The following POU3F3 variants were observed in gnomAD, a reference collection of about 807,000 sequenced individuals.
POU3F3 encodes the protein POU class 3 homeobox 3, also known as POU domain, class 3, transcription factor 3.
Under a neutral mutation model 8.6 loss-of-function variants are expected in POU3F3, and 1 was observed. That is an observed-to-expected ratio of 0.12 (90% CI 0.04 to 0.55). The LOEUF is 0.55. Ranked by LOEUF, POU3F3 falls within the 20% of genes least tolerant of loss-of-function variation. The probability of loss-of-function intolerance (pLI) is 0.91; values close to 1 mark genes in which losing one functional copy is unlikely to be tolerated. For missense variants in POU3F3, 577 were observed against 690.7 expected (o/e 0.84, Z 1.84); for synonymous variants, 418 against 327.4 (o/e 1.28, Z -2.99).
At chr2:104,927,023 CA>C in the POU3F3 span, among the ~76,000 whole-genome samples, 8 of 152,066 alleles carry the variant, frequency 5.3e-5, no homozygotes, top group African/African-American at 1.9e-4. Flanking sequence ...TGGATGGGCG[CA>C]ACAAACCACC....
the POU3F3 span, among the ~76,000 whole-genome samples, chr2:104,886,936 AT>A: frequency 6.6e-6 from 1 of 152,036 alleles, no homozygotes; most frequent in Non-Finnish European, 1.5e-5. Context: ...AATTTAAAAA[AT>A]TTTAAAAAAA....
chr2:104,898,707 T>A, the POU3F3 span, among the ~76,000 whole-genome samples: 2 of 152,204 alleles, frequency 1.3e-5, no homozygotes, highest in Non-Finnish European at 2.9e-5. Context: ...TGCTTGAATT[T>A]TTGAATATTT....
the POU3F3 span, among the ~76,000 whole-genome samples, chr2:104,877,554 C>T: frequency 1.3e-5 from 2 of 152,168 alleles, no homozygotes; most frequent in African/African-American, 2.4e-5. Context: ...TGGGACCTGG[C>T]TGAGACAGAG....
the POU3F3 span, among the ~76,000 whole-genome samples, chr2:104,897,414 A>G: frequency 6.6e-6 from 1 of 152,158 alleles, no homozygotes; most frequent in Admixed American, 6.5e-5. Context: ...GGGAGAAAGG[A>G]AAACAGAGCA....
the POU3F3 span, chr2:104,867,077 G>T: frequency 6.6e-6 from 1 of 152,240 alleles, no homozygotes; most frequent in Non-Finnish European, 1.5e-5. The surrounding 1 kb of genome is among the most constrained non-coding windows in gnomAD (Gnocchi z 5.0). Flanking sequence ...TGCGGTGGCA[G>T]GAGAGCTACT....
chr2:104,896,761 C>T, the POU3F3 span, among the ~76,000 whole-genome samples: 9 of 152,192 alleles, frequency 5.9e-5, no homozygotes, highest in Non-Finnish European at 1.2e-4. Context: ...GACCCCTGTG[C>T]CCCGCCTCTC....
chr2:104,855,582 G>C lies in POU3F3; in HGVS notation c.72G>C (p.Ser24=). The C allele has an allele frequency of 3.0e-6, 3 of 1,002,982 alleles. No individual in the cohort carries two copies. Among genetic ancestry groups the C allele is most frequent in the Non-Finnish European group, 3.6e-6 (3 of 842,920 alleles). 62.1% of individuals were successfully genotyped at this position (1,002,982 alleles called of 1,614,324 possible). ...TCGCGGCCGGCTCTATTGTGCACTC[G>C]GACGCGGCAGGGGCTGGCGGCGGCG... The part of the protein sequence containing the change: ...SLLAAGSIVH[S]DAAGAGGGGG... Residue 24 remains serine (S), a synonymous_variant, in exon 1 of 1, where the codon TCG becomes TCC. Transcript: ENST00000361360.
chr2:104,860,752 C>CTTT (rs1178339577), downstream of POU3F3, among the ~76,000 whole-genome samples: 4 of 50,276 alleles, frequency 8.0e-5, no homozygotes, highest in African/African-American at 1.8e-4. Context: ...GTTGCTCTGC[C>CTTT]TTTTTTTTTT....
chr2:104,857,371 T>G lies in POU3F3; in HGVS notation c.*358T>G, dbSNP rs1406444637. 2 of 154,158 alleles carry G rather than the reference T, an allele frequency of 1.3e-5. No homozygotes were observed. The highest frequency in any genetic ancestry group is 4.8e-5 in the African/African-American group (2 of 41,446). 9.5% of individuals were successfully genotyped at this position (154,158 alleles called of 1,614,324 possible). A position where few individuals can be genotyped will look rare whatever the true frequency, so the allele number is the denominator to read the frequency against. ...AGAGAAAAAGGGGGCGATCATGAGA[T>G]CTCGTTCATACTGTGGTGGTGTTTC... On this transcript the variant is annotated 3_prime_UTR_variant, in exon 1 of 1. Coordinates refer to ENST00000361360, the MANE Select transcript of POU3F3 (RefSeq NM_006236.3).
At chr2:104,913,782 A>G in the POU3F3 span, among the ~76,000 whole-genome samples, 2 of 152,210 alleles carry the variant, frequency 1.3e-5, no homozygotes, top group African/African-American at 4.8e-5. Flanking sequence ...ACATCTTCAC[A>G]TCGTTATTTT....
the POU3F3 span, among the ~76,000 whole-genome samples, chr2:104,913,418 C>T: frequency 2.6e-5 from 4 of 152,288 alleles, no homozygotes; most frequent in African/African-American, 9.6e-5. Context: ...AATTCTTTCT[C>T]AGGTGAAAGG....
the POU3F3 span, among the ~76,000 whole-genome samples, chr2:104,924,603 T>C: frequency 6.6e-6 from 1 of 152,246 alleles, no homozygotes; most frequent in East Asian, 1.9e-4. Context: ...CACTATGAAA[T>C]AATTGTCGAT....
At position 104,854,616 on chromosome 2, in the gene POU3F3, C is replaced by T. The variant is rs1220051542; in HGVS notation, c.-895C>T. On this transcript the variant is annotated 5_prime_UTR_variant, in exon 1 of 1. Coordinates refer to ENST00000361360, the MANE Select transcript of POU3F3 (RefSeq NM_006236.3). This position sits in a 1 kb window ranked among gnomAD's most constrained non-coding sequence, Gnocchi z 4.5. ...CTGTTGCGAGGAGAATGAAAAAGGACTCTTGTTTCAGAGGCAACCAAGAGC... is the reference window on the plus strand; with the variant it reads ...CTGTTGCGAGGAGAATGAAAAAGGATTCTTGTTTCAGAGGCAACCAAGAGC... Among the ~76,000 whole-genome samples the T allele has an allele frequency of 6.6e-6, 1 of 152,176 alleles. No individual in the cohort carries two copies. Among genetic ancestry groups the T allele is most frequent in the Non-Finnish European group, 1.5e-5 (1 of 68,044 alleles).
At chr2:104,879,952 A>G in the POU3F3 span, among the ~76,000 whole-genome samples, 1 of 152,224 alleles carries the variant, frequency 6.6e-6, no homozygotes. Flanking sequence ...ACGATAGAAT[A>G]CAAAATCATC....
chr2:104,878,118 A>T, the POU3F3 span, among the ~76,000 whole-genome samples: 2 of 152,224 alleles, frequency 1.3e-5, no homozygotes, highest in African/African-American at 4.8e-5. Flanking sequence ...CTGGCTGATT[A>T]GTAGCTGGTT....
chr2:104,905,535 T>C, the POU3F3 span, among the ~76,000 whole-genome samples: 1 of 152,202 alleles, frequency 6.6e-6, no homozygotes, highest in Non-Finnish European at 1.5e-5. Context: ...TTGTAACAAA[T>C]CACCACAAAC....
At chr2:104,883,359 A>G in the POU3F3 span, among the ~76,000 whole-genome samples, 2 of 152,252 alleles carry the variant, frequency 1.3e-5, no homozygotes, top group Non-Finnish European at 2.9e-5. Context: ...TTTGAGCAAT[A>G]GAAGCCACAC....
chr2:104,879,732 T>C, the POU3F3 span, among the ~76,000 whole-genome samples: 1 of 152,076 alleles, frequency 6.6e-6, no homozygotes, highest in Non-Finnish European at 1.5e-5. Flanking sequence ...CAGGAGCAGA[T>C]CTCCTGTTCC....
At chr2:104,883,817 G>T in the POU3F3 span, among the ~76,000 whole-genome samples, 5 of 152,288 alleles carry the variant, frequency 3.3e-5, no homozygotes, top group East Asian at 7.7e-4. Context: ...CTTGTAAAAG[G>T]CTCCTTCACT....
Sources: allele counts gnomAD v4.1 joint callset (sites outside exome capture counted in the v4.1 genomes callset), GRCh38; gene constraint gnomAD v4.1.1; non-coding constraint Gnocchi (gnomAD v3.1); transcripts MANE v1.5; gene names NCBI Gene and HGNC (gene_info 2026-07-23, HGNC 2026-07-21).